MYT1L: variants seen among roughly 807,000 people sequenced by gnomAD.
The protein encoded by MYT1L is myelin transcription factor 1-like protein.
A neutral mutation model predicts 126.7 loss-of-function variants in MYT1L; 12 were observed. The observed-to-expected ratio is 0.09, with a 90% confidence interval of 0.06 to 0.15. The LOEUF (loss-of-function observed/expected upper bound fraction) is 0.15. MYT1L is among the 10% of genes least tolerant of loss of function. MYT1L has a pLI of 1.00. For synonymous variants in MYT1L, 541 were observed against 604.2 expected, an observed-to-expected ratio of 0.90 and a Z score of 1.53; for missense variants, 979 against 1,585.2, an observed-to-expected ratio of 0.62 and a Z score of 6.49.
chr2:1,901,142 G>A (rs1002289553), intron 14 of MYT1L, among the ~76,000 whole-genome samples: 5 of 152,148 alleles, frequency 3.3e-5, no homozygotes, highest in African/African-American at 1.2e-4. Flanking sequence ...TGCCCTAAAG[G>A]CACCGTGACC....
intron 4 of MYT1L, among the ~76,000 whole-genome samples, chr2:2,003,804 A>G (rs1308177443): frequency 6.6e-6 from 1 of 152,160 alleles, no homozygotes; most frequent in Non-Finnish European, 1.5e-5. Context: ...CTCTGGGAGC[A>G]GCACCTGTTC....
At chr2:2,033,469 C>T (rs1228789920) in intron 4 of MYT1L, among the ~76,000 whole-genome samples, 1 of 152,202 alleles carries the variant, frequency 6.6e-6, no homozygotes, top group African/African-American at 2.4e-5. Flanking sequence ...TGCCTCTCAT[C>T]CTATGGCAAC....
At chr2:2,031,406 C>T (rs1350674604) in intron 4 of MYT1L, among the ~76,000 whole-genome samples, 2 of 148,712 alleles carry the variant, frequency 1.3e-5, no homozygotes, top group Non-Finnish European at 3.0e-5. Context: ...CCAAGTGCCT[C>T]TCATCCTGTG....
At chr2:1,894,194 G>A (rs1284160022) in intron 14 of MYT1L, among the ~76,000 whole-genome samples, 1 of 152,234 alleles carries the variant, frequency 6.6e-6, no homozygotes, top group Non-Finnish European at 1.5e-5. Context: ...GTGTCTGAGT[G>A]TCCCTCAGTG....
chr2:2,045,879 C>T (rs2068120379), intron 4 of MYT1L, among the ~76,000 whole-genome samples: 1 of 152,168 alleles, frequency 6.6e-6, no homozygotes, highest in African/African-American at 2.4e-5. Flanking sequence ...CTCTAACCCT[C>T]CCTCCCTGTG....
chr2:1,959,087 T>C (rs971783306), intron 8 of MYT1L, among the ~76,000 whole-genome samples: 1 of 152,144 alleles, frequency 6.6e-6, no homozygotes, highest in African/African-American at 2.4e-5. Context: ...TAAATGCTAA[T>C]AGAATGCATG....
At chr2:2,001,762 T>C (rs2062418307) in intron 4 of MYT1L, among the ~76,000 whole-genome samples, 1 of 152,204 alleles carries the variant, frequency 6.6e-6, no homozygotes, top group Admixed American at 6.5e-5. Flanking sequence ...ACCTCCTGGG[T>C]TCCCTTTGTT....
chr2:1,943,469 C>T lies in MYT1L; in HGVS notation c.153-135G>A, dbSNP rs1194064789. The T allele has an allele frequency of 3.8e-6, 4 of 1,042,124 alleles. No individual in the cohort carries two copies. Among genetic ancestry groups the T allele is most frequent in the Non-Finnish European group, 5.4e-6 (4 of 747,420 alleles). 64.6% of individuals were successfully genotyped at this position (1,042,124 alleles called of 1,614,324 possible). ...TCATGAATGTCATCAGCACAAACAC[C>T]AGAGAGACATAACATACATGTTCCC... On this transcript the variant is annotated intron_variant, in intron 8 of 24. Coordinates refer to ENST00000647738, the MANE Select transcript of MYT1L (RefSeq NM_001303052.2). This position sits in a 1 kb window ranked among gnomAD's most constrained non-coding sequence, Gnocchi z 4.4.
At chr2:2,245,855 C>T (rs1305835960) in intron 2 of MYT1L, among the ~76,000 whole-genome samples, 1 of 152,170 alleles carries the variant, frequency 6.6e-6, no homozygotes, top group African/African-American at 2.4e-5. Context: ...AGATGCTAGG[C>T]TGCTGGCTGT....
At chr2:1,998,903 G>T (rs1051208376) in intron 4 of MYT1L, among the ~76,000 whole-genome samples, 19 of 151,956 alleles carry the variant, frequency 1.3e-4, no homozygotes, top group African/African-American at 4.4e-4. Flanking sequence ...AAAAAGAAAA[G>T]AAAGAAAAAG....
chr2:1,835,137 C>T (rs890754497), intron 21 of MYT1L, among the ~76,000 whole-genome samples: 2 of 152,174 alleles, frequency 1.3e-5, no homozygotes, highest in Admixed American at 1.3e-4. Context: ...ACAGGTACTC[C>T]TCCACATACC....
intron 3 of MYT1L, among the ~76,000 whole-genome samples, chr2:2,108,763 A>G (rs543189218): frequency 6.6e-6 from 1 of 152,344 alleles, no homozygotes; most frequent in African/African-American, 2.4e-5. Flanking sequence ...TCAGAAAGAT[A>G]CAGCGTTTGA....
At position 1,922,618 on chromosome 2, in the gene MYT1L, C is replaced by G; in HGVS notation, c.1151G>C (p.Arg384Pro). 6.2e-7 allele frequency: 1 copy of G among 1,613,954 alleles called. No individual in the cohort carries two copies. The highest frequency in any genetic ancestry group is 2.2e-5 in the East Asian group (1 of 44,876). ...RNYSDMLNLM[R>P]LEEQLSPRSR... The stretch of plus-strand genomic sequence containing the variant: ...CCGGGGGCTCAACTGCTCCTCCAGC[C>G]GCATGAGGTTCAGCATGTCCGAGTA... Residue 384 changes from arginine (R) to proline (P), a missense_variant, in exon 10 of 25, where the codon CGG (arginine) becomes CCG (proline). Transcript: ENST00000647738. The surrounding 1 kb of genome is among the most constrained non-coding windows in gnomAD (Gnocchi z 7.4).
At chr2:2,267,957 G>A (rs1442801506) in intron 2 of MYT1L, among the ~76,000 whole-genome samples, 2 of 152,108 alleles carry the variant, frequency 1.3e-5, no homozygotes, top group East Asian at 1.9e-4. Flanking sequence ...TCCAATACCC[G>A]CTTTGCATGT....
intron 3 of MYT1L, among the ~76,000 whole-genome samples, chr2:2,084,195 A>G (rs1301086953): frequency 6.6e-6 from 1 of 152,128 alleles, no homozygotes; most frequent in Non-Finnish European, 1.5e-5. Flanking sequence ...AGACCACTCC[A>G]TCAGTAAGCC....
chr2:2,170,461 A>G (rs2089865795), intron 3 of MYT1L, among the ~76,000 whole-genome samples: 1 of 152,226 alleles, frequency 6.6e-6, no homozygotes, highest in African/African-American at 2.4e-5. Flanking sequence ...AGTGATGAGC[A>G]GTTGCACGGA....
intron 3 of MYT1L, among the ~76,000 whole-genome samples, chr2:2,071,707 G>A (rs2074622542): frequency 6.6e-6 from 1 of 152,194 alleles, no homozygotes; most frequent in African/African-American, 2.4e-5. Flanking sequence ...TTTAAAGTAT[G>A]GAAGGATAGG....
rs1175255051 is a variant in MYT1L at position 1,943,078 on chromosome 2, C to G, written c.409G>C (p.Glu137Gln). 3 of 1,452,916 alleles carry G rather than the reference C, an allele frequency of 2.1e-6. No homozygotes were observed. 90.0% of individuals were successfully genotyped at this position (1,452,916 alleles called of 1,614,324 possible). A position where few individuals can be genotyped will look rare whatever the true frequency, so the allele number is the denominator to read the frequency against. ...GDREEEEEIE[E>Q]EDEDDDEDGE... ...TCCTCGTCATCGTCCTCATCCTCCT[C>G]CTCGATCTCCTCCTCCTCCTCCCGG... Residue 137 changes from glutamate (E) to glutamine (Q), a missense_variant, in exon 9 of 25, where the codon GAG (glutamate) becomes CAG (glutamine). Around this residue, in one of 12 missense-constraint regions of MYT1L, gnomAD observed 111 missense variants for 115.9 expected, o/e 0.96. Coordinates refer to ENST00000647738, the MANE Select transcript of MYT1L (RefSeq NM_001303052.2). This position sits in a 1 kb window ranked among gnomAD's most constrained non-coding sequence, Gnocchi z 4.4.
At chr2:1,976,706 G>A (rs1156945828) in intron 8 of MYT1L, among the ~76,000 whole-genome samples, 1 of 152,166 alleles carries the variant, frequency 6.6e-6, no homozygotes, top group African/African-American at 2.4e-5. Context: ...AATAGTCATA[G>A]ATGTTAATAT....
Sources: allele counts gnomAD v4.1 joint callset (sites outside exome capture counted in the v4.1 genomes callset), GRCh38; gene constraint gnomAD v4.1.1; regional missense constraint gnomAD v4.1.1; non-coding constraint Gnocchi (gnomAD v3.1); transcripts MANE v1.5; gene names NCBI Gene and HGNC (gene_info 2026-07-23, HGNC 2026-07-21).